CNTN4: variants seen among roughly 807,000 people sequenced by gnomAD.
CNTN4 encodes contactin-4.
Under a neutral mutation model 122.5 loss-of-function variants are expected in CNTN4, and 77 were observed. The ratio of observed to expected loss-of-function variants is 0.63; its 90% CI spans 0.52 to 0.76. CNTN4 has a LOEUF of 0.76. Ranked by LOEUF, CNTN4 falls within the 30% of genes least tolerant of loss-of-function variation. The pLI, the probability that CNTN4 is intolerant of heterozygous loss-of-function variation, is 0.00. For missense variants in CNTN4, 1,256 were observed against 1,259.1 expected, an observed-to-expected ratio of 1.00 and a Z score of 0.04; for synonymous variants, 512 against 447.0, an observed-to-expected ratio of 1.15 and a Z score of -1.83.
At chr3:2,511,504 G>GGA (rs1559621326) in intron 3 of CNTN4, 1 of 152,282 alleles carries the variant, frequency 6.6e-6, no homozygotes, top group Non-Finnish European at 1.5e-5. Context: ...AGCGCGCAGC[G>GGA]GAGAGCAGTT....
At chr3:2,442,534 T>G (rs2048478608) in intron 3 of CNTN4, among the ~76,000 whole-genome samples, 1 of 152,160 alleles carries the variant, frequency 6.6e-6, no homozygotes, top group South Asian at 2.1e-4. Context: ...TTATCCTATG[T>G]TCCTTAAATA....
chr3:2,781,845 C>T (rs1261534306), intron 6 of CNTN4, among the ~76,000 whole-genome samples: 2 of 133,266 alleles, frequency 1.5e-5, no homozygotes, highest in African/African-American at 3.5e-5. Context: ...CTGCCTCAGC[C>T]TCCCGAGTAG....
intron 2 of CNTN4, among the ~76,000 whole-genome samples, chr3:2,161,422 C>T (rs992261648): frequency 5.3e-5 from 8 of 151,746 alleles, no homozygotes; most frequent in African/African-American, 7.3e-5. Context: ...TGCTTGGGGT[C>T]GGGGTGGCTT....
At chr3:2,903,096 A>G in intron 12 of CNTN4, 91 bp downstream of exon 12, 1 of 1,323,124 alleles carries the variant, frequency 7.6e-7, no homozygotes, top group East Asian at 2.4e-5. Flanking sequence ...GTTCAATCCA[A>G]GAAAAGGAGT....
At chr3:2,137,328 A>G (rs1020406378) in intron 2 of CNTN4, among the ~76,000 whole-genome samples, 2 of 152,228 alleles carry the variant, frequency 1.3e-5, no homozygotes, top group East Asian at 3.9e-4. Context: ...TTCTAAATGA[A>G]CTAACCAGAT....
rs541017241 is a variant in CNTN4, at chr3:2,563,078, A to G, written c.-88-8338A>G. Among the ~76,000 whole-genome samples, 130 of 152,220 alleles carry G rather than the reference A, an allele frequency of 8.5e-4. 1 individual carries two copies. Among genetic ancestry groups the G allele is most frequent in the Non-Finnish European group, 4.0e-4 (27 of 68,014 alleles). ...CCCAGTAATGGAATTTCTGGGTCAA[A>G]TGGTAGTTCTGTTTTAAATTCTTTA... On this transcript the variant is annotated intron_variant, in intron 3 of 24. Transcript: ENST00000418658.
At chr3:2,233,790 A>G (rs1310405032) in intron 2 of CNTN4, among the ~76,000 whole-genome samples, 1 of 152,206 alleles carries the variant, frequency 6.6e-6, no homozygotes, top group Middle Eastern at 3.2e-3. Context: ...TATAATAAGT[A>G]AAGACTTTTC....
intron 3 of CNTN4, among the ~76,000 whole-genome samples, chr3:2,505,400 G>A (rs1176402570): frequency 6.6e-6 from 1 of 152,010 alleles, no homozygotes; most frequent in East Asian, 1.9e-4. Flanking sequence ...ATATTGAGGG[G>A]AAATGGGAAT....
Position 2,714,798 on chromosome 3 carries a change from C to CA in CNTN4, c.56-21416dup, listed in dbSNP as rs2087384437. On this transcript the variant is annotated intron_variant, in intron 4 of 24. Transcript: ENST00000418658. ...TGTCACCCAGGCTGGAGTGCACTGG[C>CA]ACTATTACAGCTCACTGTAAACTTG... Among the ~76,000 whole-genome samples, 4 of 152,100 alleles carry CA rather than the reference C, an allele frequency of 2.6e-5. No individual in the cohort carries two copies. In the South Asian group the frequency reaches 8.3e-4, roughly 32 times the overall value.
chr3:2,981,272 G>A (rs975584404), intron 13 of CNTN4, among the ~76,000 whole-genome samples: 2 of 151,762 alleles, frequency 1.3e-5, no homozygotes, highest in Admixed American at 6.6e-5. Flanking sequence ...GTGAAACCCC[G>A]TCTCTACTAA....
At chr3:2,433,790 T>C (rs1648350736) in intron 3 of CNTN4, among the ~76,000 whole-genome samples, 1 of 152,208 alleles carries the variant, frequency 6.6e-6, no homozygotes, top group African/African-American at 2.4e-5. Context: ...TTTGAGTTGA[T>C]CTAGGTTTAC....
In CNTN4 at chr3:2,421,237, C is replaced by G. The variant is rs1455319363; in HGVS notation, c.-89+82004C>G. Among the ~76,000 whole-genome samples, 3 of 140,836 alleles carry G rather than the reference C, an allele frequency of 2.1e-5. No homozygotes were observed. In the East Asian group the frequency reaches 6.6e-4, roughly 31 times the overall value. 92.4% of individuals were successfully genotyped at this position (140,836 alleles called of 152,430 possible). A position where few individuals can be genotyped will look rare whatever the true frequency, so the allele number is the denominator to read the frequency against. ...TAGGAGTGAGCTTTAGGGTGGGTAC[C>G]CTTCAGGGGGTTTCTTTTTTTTTTT... On this transcript the variant is annotated intron_variant, in intron 3 of 24. Coordinates refer to ENST00000418658, the MANE Select transcript of CNTN4 (RefSeq NM_175607.3).
chr3:2,930,488 C>T (rs550864695), intron 13 of CNTN4, among the ~76,000 whole-genome samples: 8 of 152,292 alleles, frequency 5.3e-5, no homozygotes, highest in African/African-American at 1.2e-4. Context: ...TTACTTTTCA[C>T]CGAAGCCAAA....
At chr3:2,813,465 G>T (rs2092659440) in intron 6 of CNTN4, among the ~76,000 whole-genome samples, 1 of 152,036 alleles carries the variant, frequency 6.6e-6, no homozygotes, top group Admixed American at 6.6e-5. Flanking sequence ...CATGGTTACT[G>T]TATCATTTTT....
At chr3:2,459,538 A>G (rs2049125600) in intron 3 of CNTN4, among the ~76,000 whole-genome samples, 1 of 152,084 alleles carries the variant, frequency 6.6e-6, no homozygotes, top group African/African-American at 2.4e-5. Flanking sequence ...TTAAACAATA[A>G]CATTTTCTAG....
intron 2 of CNTN4, among the ~76,000 whole-genome samples, chr3:2,125,086 A>G (rs866686558): frequency 6.6e-6 from 1 of 151,786 alleles, no homozygotes; most frequent in Non-Finnish European, 1.5e-5. Flanking sequence ...GAAATTTTAT[A>G]CCCTTTGTAC....
Position 3,027,972 on chromosome 3 carries a change from G to A in CNTN4, c.1662+1695G>A, listed in dbSNP as rs1274301486. Among the ~76,000 whole-genome samples, 3 of 152,186 alleles carry A rather than the reference G, an allele frequency of 2.0e-5. 1 individual carries two copies. Among genetic ancestry groups the A allele is most frequent in the Admixed American group, 1.3e-4 (2 of 15,272 alleles). On this transcript the variant is annotated intron_variant, in intron 15 of 24. Transcript: ENST00000418658. ...GTGCTAACACCAATCAACTTCTGCTGAGAAATACATAGAAAATTAAGGACA... is the reference window on the plus strand; with the variant it reads ...GTGCTAACACCAATCAACTTCTGCTAAGAAATACATAGAAAATTAAGGACA...
chr3:2,388,327 T>A (rs1334948386), intron 3 of CNTN4, among the ~76,000 whole-genome samples: 2 of 152,184 alleles, frequency 1.3e-5, no homozygotes, highest in Admixed American at 1.3e-4. Context: ...ATCAGAACTG[T>A]TTTCTTCTGG....
intron 3 of CNTN4, among the ~76,000 whole-genome samples, chr3:2,375,975 A>G (rs1260739280): frequency 6.6e-6 from 1 of 152,102 alleles, no homozygotes; most frequent in African/African-American, 2.4e-5. Flanking sequence ...AATGGTTGAT[A>G]TATTTTTCTT....
Sources: allele counts gnomAD v4.1 joint callset (sites outside exome capture counted in the v4.1 genomes callset), GRCh38; gene constraint gnomAD v4.1.1; transcripts MANE v1.5; gene names NCBI Gene and HGNC (gene_info 2026-07-23, HGNC 2026-07-21).